Variants in DDX39B observed in about 807,000 individuals in gnomAD.
The protein encoded by DDX39B is spliceosome RNA helicase DDX39B.
Under a neutral mutation model 46.4 loss-of-function variants are expected in DDX39B, and 6 were observed. The ratio of observed to expected loss-of-function variants is 0.13; its 90% confidence interval spans 0.07 to 0.26. DDX39B has a LOEUF of 0.26. Ranked by LOEUF, DDX39B falls within the 10% of genes least tolerant of loss-of-function variation. The probability of loss-of-function intolerance (pLI) is 1.00; values close to 1 mark genes in which losing one functional copy is unlikely to be tolerated. For synonymous variants in DDX39B, 174 were observed against 199.4 expected (o/e 0.87, Z 1.07); for missense variants, 185 against 553.4 (o/e 0.33, Z 6.68).
At position 31,532,846 on chromosome 6, in the gene DDX39B, C is replaced by A; in HGVS notation, c.801G>T (p.Val267=). ...GGTTCTTCTCGTTGTCCTTCAGTTTCACGTAGTACTGCTGCAACCCATGCA... is the reference window on the plus strand; with the variant it reads ...GGTTCTTCTCGTTGTCCTTCAGTTTAACGTAGTACTGCTGCAACCCATGCA... ...LTLHGLQQYY[V]KLKDNEKNRK... The change falls in exon 7 of 11, where the codon GTG becomes GTT. Residue 267 remains valine (V), a synonymous_variant. Transcript: ENST00000396172. The A allele has an allele frequency of 6.2e-7, 1 of 1,610,840 alleles. No homozygotes were observed. Among genetic ancestry groups the A allele is most frequent in the Non-Finnish European group, 8.5e-7 (1 of 1,179,358 alleles).
Position 31,535,495 on chromosome 6 carries a change from C to A in DDX39B, c.617-10G>T, listed in dbSNP as rs1467551491. 3.1e-6 allele frequency: 5 copies of A among 1,597,682 alleles called. No homozygotes were observed. Among genetic ancestry groups the A allele is most frequent in the African/African-American group, 1.3e-5 (1 of 74,166 alleles). On this transcript the variant is annotated splice_polypyrimidine_tract_variant and intron_variant, in intron 5 of 10. Coordinates refer to ENST00000396172, the MANE Select transcript of DDX39B (RefSeq NM_004640.7). The surrounding 1 kb of genome is among the most constrained non-coding windows in gnomAD (Gnocchi z 4.6). Reference sequence around the variant, plus strand: ...ACATCCCGACGCATGTCTACAAGAACAAGGAAAAAAATTGTAGGAGAAAAT... The same window carrying A: ...ACATCCCGACGCATGTCTACAAGAAAAAGGAAAAAAATTGTAGGAGAAAAT...
At position 31,535,223 on chromosome 6, in the gene DDX39B, G is replaced by T; in HGVS notation, c.735+144C>A. The T allele has an allele frequency of 2.6e-6, 2 of 765,294 alleles. No individual in the cohort carries two copies. The highest frequency in any genetic ancestry group is 4.6e-6 in the Non-Finnish European group (2 of 435,154). The allele number at this position is 765,294 out of a possible 1,614,324, so 47.4% of individuals were successfully genotyped here. On this transcript the variant is annotated intron_variant, in intron 6 of 10. Coordinates refer to ENST00000396172, the MANE Select transcript of DDX39B (RefSeq NM_004640.7). This position sits in a 1 kb window ranked among gnomAD's most constrained non-coding sequence, Gnocchi z 4.6. Reference sequence around the variant, plus strand: ...ACACTAGCTGTCTCTGCTTCTGTATGTCTCTTCAAGGAGTCATTACTCCCA... The same window carrying T: ...ACACTAGCTGTCTCTGCTTCTGTATTTCTCTTCAAGGAGTCATTACTCCCA...
chr6:31,539,827 G>A (rs1247409549), intron 2 of DDX39B, among the ~76,000 whole-genome samples: 1 of 152,108 alleles, frequency 6.6e-6, no homozygotes, highest in Non-Finnish European at 1.5e-5. Flanking sequence ...GAAGTCAAGT[G>A]ACAAAATTAA....
intron 1 of DDX39B, chr6:31,541,292 GCTCGGCC>G: frequency 4.2e-6 from 2 of 480,744 alleles, no homozygotes; most frequent in Non-Finnish European, 4.3e-6. Context: ...AAGACAAATG[GCTCGGCC>G]ACAAAAAAAC....
chr6:31,541,773 C>A, intron 1 of DDX39B, 177 bp downstream of exon 1: 1 of 657,480 alleles, frequency 1.5e-6, no homozygotes, highest in Non-Finnish European at 2.9e-6. Flanking sequence ...CTTAGCTTCC[C>A]TTCCTTCCCC....
Position 31,535,000 on chromosome 6 carries a change from C to A in DDX39B, c.735+367G>T. The A allele has an allele frequency of 3.2e-6, 1 of 313,476 alleles. No individual in the cohort carries two copies. Among genetic ancestry groups the A allele is most frequent in the Non-Finnish European group, 6.2e-6 (1 of 162,236 alleles). The allele number at this position is 313,476 out of a possible 1,614,324, so 19.4% of individuals were successfully genotyped here. A position where few individuals can be genotyped will look rare whatever the true frequency, so the allele number is the denominator to read the frequency against. On this transcript the variant is annotated intron_variant, in intron 6 of 10. Coordinates refer to ENST00000396172, the MANE Select transcript of DDX39B (RefSeq NM_004640.7). This position sits in a 1 kb window ranked among gnomAD's most constrained non-coding sequence, Gnocchi z 5.1. ...AAGGCTCCAGCTGTACGCTCGATGC[C>A]ACCTTGAGGGTGCGTGGCTGTAGGG...
At chr6:31,540,284 G>C (rs1370780408) in intron 2 of DDX39B, 38 bp downstream of exon 2, 2 of 1,597,440 alleles carry the variant, frequency 1.3e-6, no homozygotes, top group Non-Finnish European at 1.7e-6. Flanking sequence ...TACCCTTAAA[G>C]AGCCCAATGA....
At chr6:31,538,149 C>T (rs1363705133) in intron 4 of DDX39B, among the ~76,000 whole-genome samples, 1 of 152,134 alleles carries the variant, frequency 6.6e-6, no homozygotes, top group Non-Finnish European at 1.5e-5. Context: ...TGCTTAACTT[C>T]AATCAGATTT....
intron 1 of DDX39B, chr6:31,541,714 C>T (rs1224113787): frequency 1.8e-6 from 1 of 570,694 alleles, no homozygotes; most frequent in Non-Finnish European, 3.4e-6. Flanking sequence ...AAGAAGGGAG[C>T]AAAACGAACA....
At chr6:31,538,368 T>C (rs1367110864) in intron 4 of DDX39B, among the ~76,000 whole-genome samples, 2 of 152,084 alleles carry the variant, frequency 1.3e-5, no homozygotes, top group African/African-American at 2.4e-5. Context: ...GTTGGCCACA[T>C]TGGTCTTAAA....
chr6:31,531,962 T>C lies in DDX39B; in HGVS notation c.868-557A>G, dbSNP rs1391841964. On this transcript the variant is annotated intron_variant, in intron 7 of 10. Transcript: ENST00000396172. The surrounding 1 kb of genome is among the most constrained non-coding windows in gnomAD (Gnocchi z 5.8). ...CATCCCAAGCAGCTGGGACCACAGG[T>C]GCACACCACCACGCCCAGCTACTTT... Among the ~76,000 whole-genome samples the C allele has an allele frequency of 6.6e-6, 1 of 152,094 alleles. No homozygotes were observed. The highest frequency in any genetic ancestry group is 1.5e-5 in the Non-Finnish European group (1 of 68,004).
intron 4 of DDX39B, among the ~76,000 whole-genome samples, chr6:31,538,090 TGGC>T (rs1446926812): frequency 6.6e-6 from 1 of 152,140 alleles, no homozygotes; most frequent in Non-Finnish European, 1.5e-5. Context: ...ACCAGATTTG[TGGC>T]ATAACAGGAG....
intron 1 of DDX39B, chr6:31,541,047 G>A: frequency 3.8e-6 from 2 of 519,550 alleles, no homozygotes; most frequent in Admixed American, 2.0e-5. Context: ...AGTCCTCAAA[G>A]GAAGACTCCG....
intron 1 of DDX39B, 147 bp from the exon 2 acceptor site, chr6:31,540,811 T>C (rs147159725): frequency 4.7e-4 from 251 of 530,738 alleles, no homozygotes; most frequent in African/African-American, 4.4e-3. Flanking sequence ...GAAAAGCAAA[T>C]ATAACAGAAC....
At chr6:31,538,721 C>T in intron 4 of DDX39B, 42 bp downstream of exon 4, 1 of 1,560,224 alleles carries the variant, frequency 6.4e-7, no homozygotes, top group Admixed American at 1.9e-5. Context: ...ATCCCTCCAA[C>T]TTGCCACACC....
chr6:31,539,036 A>T, intron 3 of DDX39B, 111 bp downstream of exon 3: 1 of 1,584,946 alleles, frequency 6.3e-7, no homozygotes, highest in Non-Finnish European at 8.7e-7. Context: ...TGTCAAGGGT[A>T]ACAGAGGTCA....
At chr6:31,536,836 C>T (rs1767836708) in intron 4 of DDX39B, among the ~76,000 whole-genome samples, 153 bp from the exon 5 acceptor site, 1 of 152,166 alleles carries the variant, frequency 6.6e-6, no homozygotes, top group African/African-American at 2.4e-5. Flanking sequence ...TTTTATGTCC[C>T]CCCCACCAAA....
At position 31,530,478 on chromosome 6, in the gene DDX39B, A is replaced by C; in HGVS notation, c.1271-28T>G. ...GAGAAGAAAACGTAGCATGGTCAGA[A>C]TAAGGCATGAAAAGGGGAAAGTGAG... On this transcript the variant is annotated intron_variant, in intron 10 of 10. Transcript: ENST00000396172. This position sits in a 1 kb window ranked among gnomAD's most constrained non-coding sequence, Gnocchi z 4.5. The C allele has an allele frequency of 6.2e-7, 1 of 1,612,760 alleles. No individual in the cohort carries two copies. Among genetic ancestry groups the C allele is most frequent in the Non-Finnish European group, 8.5e-7 (1 of 1,179,824 alleles).
chr6:31,540,523 T>G lies in DDX39B; in HGVS notation c.10A>C (p.Asn4His). Residue 4 changes from asparagine (N) to histidine (H), a missense_variant, in exon 2 of 11, where the codon AAC becomes CAC. Asn to His is a moderately conservative substitution (Grantham distance 68). This residue lies in a region of DDX39B where 30 missense variants were observed against 41.6 expected (regional missense o/e 0.72). Transcript: ENST00000396172. MAE[N>H]DVDNELLDYE... is the part of the protein sequence containing the mutation. Reference sequence around the variant, plus strand: ...TCCAAGAGCTCATTGTCCACATCGTTCTCTGCCATAACTGGGCCGGCAGGG... The same window carrying G: ...TCCAAGAGCTCATTGTCCACATCGTGCTCTGCCATAACTGGGCCGGCAGGG... 1 of 1,614,054 alleles carries G rather than the reference T, an allele frequency of 6.2e-7. No individual in the cohort carries two copies. The highest frequency in any genetic ancestry group is 8.5e-7 in the Non-Finnish European group (1 of 1,180,006).
Sources: allele counts gnomAD v4.1 joint callset (sites outside exome capture counted in the v4.1 genomes callset), GRCh38; gene constraint gnomAD v4.1.1; regional missense constraint gnomAD v4.1.1; non-coding constraint Gnocchi (gnomAD v3.1); transcripts MANE v1.5; gene names NCBI Gene and HGNC (gene_info 2026-07-23, HGNC 2026-07-21).